Variants in KCNJ6 observed in about 807,000 individuals in gnomAD.
KCNJ6 encodes the protein G protein-activated inward rectifier potassium channel 2.
KCNJ6 carries 9 observed loss-of-function variants against 34.2 expected under a neutral mutation model. The ratio of observed to expected loss-of-function variants is 0.26; its 90% confidence interval spans 0.16 to 0.46. The LOEUF (loss-of-function observed/expected upper bound fraction) is 0.46. KCNJ6 is among the 20% of genes least tolerant of loss of function. The pLI, the probability that KCNJ6 is intolerant of heterozygous loss-of-function variation, is 1.00. For missense variants in KCNJ6, 236 were observed against 531.3 expected (o/e 0.44, Z 5.46); for synonymous variants, 196 against 207.1 (o/e 0.95, Z 0.46).
intron 2 of KCNJ6, among the ~76,000 whole-genome samples, chr21:37,811,663 C>T (rs1314375862): frequency 6.6e-6 from 1 of 152,166 alleles, no homozygotes; most frequent in Non-Finnish European, 1.5e-5. Context: ...AGCTTGTCCT[C>T]CCCACTTCAA....
intron 3 of KCNJ6, among the ~76,000 whole-genome samples, chr21:37,650,912 T>C (rs1020938770): frequency 1.3e-5 from 2 of 152,236 alleles, no homozygotes; most frequent in African/African-American, 4.8e-5. Context: ...TAATACTCGA[T>C]GACAACTCAA....
At chr21:37,680,576 G>T (rs724545) in intron 3 of KCNJ6, among the ~76,000 whole-genome samples, 72,113 of 152,032 alleles carry the variant, frequency 0.47, 17,207 homozygotes, top group South Asian at 0.53. Flanking sequence ...AAAACTGATT[G>T]CCCTTATTCA....
chr21:37,643,067 G>T (rs569353046), intron 3 of KCNJ6, among the ~76,000 whole-genome samples: 12 of 152,162 alleles, frequency 7.9e-5, no homozygotes, highest in African/African-American at 2.4e-4. Flanking sequence ...TGGGTGGTGG[G>T]GGGGACAGCT....
chr21:37,747,521 T>G (rs1035958167), intron 2 of KCNJ6, among the ~76,000 whole-genome samples: 1 of 152,172 alleles, frequency 6.6e-6, no homozygotes, highest in Non-Finnish European at 1.5e-5. Flanking sequence ...AAAATCGAGG[T>G]TGCAGTTGGA....
chr21:37,700,557 G>A (rs2123436478), intron 3 of KCNJ6, among the ~76,000 whole-genome samples: 1 of 152,286 alleles, frequency 6.6e-6, no homozygotes, highest in Non-Finnish European at 1.5e-5. Flanking sequence ...ACAATGATGA[G>A]GAAGGGAATT....
intron 2 of KCNJ6, among the ~76,000 whole-genome samples, chr21:37,757,761 A>G (rs1334501411): frequency 6.6e-6 from 1 of 152,270 alleles, no homozygotes; most frequent in Admixed American, 6.5e-5. Context: ...CAAAGCAATC[A>G]TTCCCTATTA....
At chr21:37,914,488 G>A (rs1568894708) in intron 1 of KCNJ6, among the ~76,000 whole-genome samples, 1 of 152,200 alleles carries the variant, frequency 6.6e-6, no homozygotes, top group Admixed American at 6.5e-5. Flanking sequence ...CGCCGTCAGG[G>A]AGTTGGGCAC....
At chr21:37,669,837 T>A (rs1036869339) in intron 3 of KCNJ6, among the ~76,000 whole-genome samples, 13 of 152,252 alleles carry the variant, frequency 8.5e-5, no homozygotes, top group Non-Finnish European at 1.6e-4. Context: ...ACTTTCATGA[T>A]AATGTATTTC....
chr21:37,767,257 C>A (rs2055095714), intron 2 of KCNJ6, among the ~76,000 whole-genome samples: 1 of 152,192 alleles, frequency 6.6e-6, no homozygotes, highest in Non-Finnish European at 1.5e-5. Flanking sequence ...GTCCAGCTGC[C>A]TCGTCCTCAC....
At position 37,778,446 on chromosome 21, in the gene KCNJ6, CT is replaced by C. The variant is rs1202793200; in HGVS notation, c.25+62211del. Among the ~76,000 whole-genome samples the C allele has an allele frequency of 5.5e-5, 8 of 144,816 alleles. No homozygotes were observed. In the South Asian group the frequency reaches 6.9e-4, roughly 12 times the overall value. On this transcript the variant is annotated intron_variant, in intron 2 of 3. Coordinates refer to ENST00000609713, the MANE Select transcript of KCNJ6 (RefSeq NM_002240.5). ...CAGTTCTGGAGGCGTTTCTCTTATA[CT>C]TTTTTTTGTATTTTTCCAATTTTAT...
chr21:37,632,720 A>C (rs970523616), intron 3 of KCNJ6, among the ~76,000 whole-genome samples: 3 of 152,208 alleles, frequency 2.0e-5, no homozygotes, highest in Non-Finnish European at 4.4e-5. Flanking sequence ...ACAAAAGGAG[A>C]TTATAATAAC....
At chr21:37,801,224 G>A (rs181875271) in intron 2 of KCNJ6, among the ~76,000 whole-genome samples, 3 of 152,208 alleles carry the variant, frequency 2.0e-5, no homozygotes, top group African/African-American at 4.8e-5. Flanking sequence ...AAACAGCCCC[G>A]ATTTTTGGCT....
chr21:37,752,051 G>A (rs2123483943), intron 2 of KCNJ6, among the ~76,000 whole-genome samples: 1 of 152,304 alleles, frequency 6.6e-6, no homozygotes, highest in East Asian at 1.9e-4. Flanking sequence ...TCTTGTTACT[G>A]TGCAGATTTG....
intron 1 of KCNJ6, among the ~76,000 whole-genome samples, chr21:37,844,466 T>C (rs1166111171): frequency 6.6e-6 from 1 of 152,116 alleles, no homozygotes; most frequent in Admixed American, 6.5e-5. Context: ...AGGTTTATCA[T>C]GAAATAGCTC....
chr21:37,753,102 T>C (rs1568834763), intron 2 of KCNJ6, among the ~76,000 whole-genome samples: 1 of 152,128 alleles, frequency 6.6e-6, no homozygotes, highest in African/African-American at 2.4e-5. Flanking sequence ...GACGGCCGCA[T>C]GGAAAGGTGC....
At chr21:37,707,327 G>A (rs770959447) in intron 3 of KCNJ6, among the ~76,000 whole-genome samples, 6 of 152,170 alleles carry the variant, frequency 3.9e-5, no homozygotes, top group East Asian at 1.9e-4. Context: ...TCCTGTCCCC[G>A]CAAAGCTTTA....
At chr21:37,872,621 A>T (rs1243763753) in intron 1 of KCNJ6, among the ~76,000 whole-genome samples, 2 of 152,130 alleles carry the variant, frequency 1.3e-5, no homozygotes, top group African/African-American at 2.4e-5. Flanking sequence ...CCCAATAGTG[A>T]TGTTTCCTAA....
At chr21:37,793,874 C>T (rs1170892807) in intron 2 of KCNJ6, among the ~76,000 whole-genome samples, 1 of 152,218 alleles carries the variant, frequency 6.6e-6, no homozygotes, top group African/African-American at 2.4e-5. Context: ...AAGTTAATAC[C>T]ATTTGCCTTT....
At chr21:37,844,848 A>C (rs2055498548) in intron 1 of KCNJ6, among the ~76,000 whole-genome samples, 2 of 152,106 alleles carry the variant, frequency 1.3e-5, no homozygotes, top group Non-Finnish European at 2.9e-5. Flanking sequence ...ACACTGTATA[A>C]TTTGTTATGG....
Sources: gnomAD v4.1 joint callset for allele counts (sites outside exome capture counted in the v4.1 genomes callset) on GRCh38, gnomAD v4.1.1 for gene constraint, MANE v1.5 for transcripts, NCBI Gene and HGNC (gene_info 2026-07-23, HGNC 2026-07-21) for gene names.